Variants in MAPKBP1 observed in about 807,000 individuals in gnomAD.
MAPKBP1 encodes mitogen-activated protein kinase binding protein 1.
A neutral mutation model predicts 170.5 loss-of-function variants in MAPKBP1; 71 were observed. The observed-to-expected ratio is 0.42, with a 90% CI of 0.34 to 0.51. The LOEUF is 0.51. Among genes scored for constraint, MAPKBP1 ranks in the 20% least tolerant of loss-of-function variants. The pLI is 0.06. For missense variants in MAPKBP1, 1,598 were observed against 1,933.0 expected, an observed-to-expected ratio of 0.83 and a Z score of 3.25; for synonymous variants, 719 against 757.9, an observed-to-expected ratio of 0.95 and a Z score of 0.84.
Position 41,823,757 on chromosome 15 carries a change from C to T in MAPKBP1, c.3909C>T (p.Thr1303=), listed in dbSNP as rs918650433. 2.5e-6 allele frequency: 4 copies of T among 1,614,192 alleles called. No homozygotes were observed. Among genetic ancestry groups the T allele is most frequent in the Admixed American group, 3.3e-5 (2 of 60,034 alleles). The change falls in exon 29 of 31, where the codon ACC becomes ACT. Residue 1303 remains threonine, a synonymous_variant. Coordinates refer to ENST00000457542, the MANE Select transcript of MAPKBP1 (RefSeq NM_014994.3). ...CCAAACCACTGCCTGACCGTCCTAC[C>T]CTGGCTGCATTCTCTCCTGTCACCA... ...DIPKPLPDRP[T]LAAFSPVTKG...
intron 2 of MAPKBP1, among the ~76,000 whole-genome samples, chr15:41,790,636 C>G (rs1214359896): frequency 6.6e-6 from 1 of 152,102 alleles, no homozygotes; most frequent in Non-Finnish European, 1.5e-5. Flanking sequence ...AGCAGGATAC[C>G]CTTTTTTTGT....
chr15:41,813,575 C>A (rs769036870), intron 8 of MAPKBP1, 46 bp from the exon 9 acceptor site: 2 of 1,602,706 alleles, frequency 1.2e-6, no homozygotes, highest in Non-Finnish European at 8.5e-7. Flanking sequence ...GGAGAGAAGA[C>A]TGAGTGGGCA....
chr15:41,784,488 A>T (rs528266256), intron 2 of MAPKBP1, among the ~76,000 whole-genome samples: 5 of 152,126 alleles, frequency 3.3e-5, no homozygotes, highest in South Asian at 2.1e-4. Flanking sequence ...AAGCTTTTTT[A>T]AAAAAATTAG....
chr15:41,788,652 T>A (rs2064341873), intron 2 of MAPKBP1, among the ~76,000 whole-genome samples: 1 of 152,214 alleles, frequency 6.6e-6, no homozygotes, highest in South Asian at 2.1e-4. Flanking sequence ...GCCCCAAGGC[T>A]TCTTTCCAGA....
At chr15:41,811,263 T>G in intron 5 of MAPKBP1, 28 bp downstream of exon 5, 1 of 1,613,772 alleles carries the variant, frequency 6.2e-7, no homozygotes, top group Admixed American at 1.7e-5. Context: ...CTGGCAGTAC[T>G]GTAAAGAGGG....
At chr15:41,789,370 G>A (rs914784662) in intron 2 of MAPKBP1, among the ~76,000 whole-genome samples, 1 of 151,986 alleles carries the variant, frequency 6.6e-6, no homozygotes, top group African/African-American at 2.4e-5. Flanking sequence ...TTGCCTTTCT[G>A]ATAACTGTGG....
At chr15:41,774,852 C>G in intron 1 of MAPKBP1, 1 of 413,636 alleles carries the variant, frequency 2.4e-6, no homozygotes, top group Non-Finnish European at 4.3e-6. Context: ...GGCCTCCTCC[C>G]TTGGACACTA....
rs779353817 is a variant in MAPKBP1, at chr15:41,820,829, C to G, written c.2482-3C>G. On this transcript the variant is annotated splice_region_variant and splice_polypyrimidine_tract_variant and intron_variant, in intron 22 of 30. Coordinates refer to ENST00000457542, the MANE Select transcript of MAPKBP1 (RefSeq NM_014994.3). ...TCCTCCCCCACCCCCTACCTCCCAC[C>G]AGGCACAGGAGTCCGTGGGGTTCCT... is the stretch of plus-strand genomic sequence containing the variant. 2.2e-5 allele frequency: 35 copies of G among 1,611,904 alleles called. No individual in the cohort carries two copies. The highest frequency in any genetic ancestry group is 2.9e-5 in the Non-Finnish European group (34 of 1,178,448).
rs539101838 is a variant in MAPKBP1, at chr15:41,791,204, G to A, written c.115-8619G>A. Among the ~76,000 whole-genome samples, 9 of 152,008 alleles carry A rather than the reference G, an allele frequency of 5.9e-5. No individual in the cohort carries two copies. The South Asian group carries it at 1.9e-3, about 32-fold the overall frequency. ...GAGTGGGATTGAGAAGTGGGGGAAG[G>A]GAAAAGGGGGAAGAAAGTAGCTGGT... On this transcript the variant is annotated intron_variant, in intron 2 of 30. Coordinates refer to ENST00000457542, the MANE Select transcript of MAPKBP1 (RefSeq NM_014994.3).
chr15:41,804,923 C>T (rs1292891184), intron 3 of MAPKBP1, among the ~76,000 whole-genome samples: 1 of 152,200 alleles, frequency 6.6e-6, no homozygotes, highest in Non-Finnish European at 1.5e-5. Context: ...TGTTGGGGGC[C>T]ACCAGATTCT....
chr15:41,808,152 G>A (rs2064735720), intron 3 of MAPKBP1, among the ~76,000 whole-genome samples: 1 of 141,316 alleles, frequency 7.1e-6, no homozygotes, highest in South Asian at 2.2e-4. Context: ...TGTCACCCAG[G>A]CTGGAGTGCC....
chr15:41,808,512 G>A (rs973304121), intron 3 of MAPKBP1, among the ~76,000 whole-genome samples: 2 of 149,406 alleles, frequency 1.3e-5, no homozygotes, highest in African/African-American at 4.9e-5. Flanking sequence ...TCTAGTTCTT[G>A]TCGCCCAGGC....
chr15:41,818,922 A>G lies in MAPKBP1; in HGVS notation c.2256A>G (p.Gly752=), dbSNP rs761785939. 2.3e-5 allele frequency: 37 copies of G among 1,614,086 alleles called. No homozygotes were observed. The highest frequency in any genetic ancestry group is 5.9e-6 in the Non-Finnish European group (7 of 1,180,042). The change falls in exon 20 of 31, where the codon GGA becomes GGG. Residue 752 remains glycine, a synonymous_variant. Transcript: ENST00000457542. This position sits in a 1 kb window ranked among gnomAD's most constrained non-coding sequence, Gnocchi z 5.2. ...GTCAGCGGGGCGGCAAGCAGCAAGG[A>G]CCATCCTCTCCCCAAAGGGCTTCTG... The part of the protein sequence containing the change: ...RQRQRGGKQQ[G]PSSPQRASGP...
intron 27 of MAPKBP1, 94 bp downstream of exon 27, chr15:41,822,771 C>A: frequency 4.0e-6 from 6 of 1,508,638 alleles, no homozygotes; most frequent in Non-Finnish European, 5.5e-6. Flanking sequence ...TCTCTCCATG[C>A]GCGGGGTGTT....
intron 13 of MAPKBP1, 109 bp downstream of exon 13, chr15:41,816,759 C>A: frequency 6.9e-7 from 1 of 1,452,732 alleles, no homozygotes; most frequent in Non-Finnish European, 9.6e-7. Flanking sequence ...TCATTGGTGT[C>A]TTTGCTGGTT....
intron 3 of MAPKBP1, among the ~76,000 whole-genome samples, chr15:41,808,634 C>A (rs2064748059): frequency 6.6e-6 from 1 of 151,684 alleles, no homozygotes; most frequent in Non-Finnish European, 1.5e-5. Context: ...CACCACCACA[C>A]CTGGCTTATT....
rs756184203 is a variant in MAPKBP1, at chr15:41,815,630, A to G, written c.1324A>G (p.Ile442Val). The G allele has an allele frequency of 6.2e-7, 1 of 1,613,556 alleles. No individual in the cohort carries two copies. The highest frequency in any genetic ancestry group is 8.5e-7 in the Non-Finnish European group (1 of 1,179,576). Residue 442 changes from isoleucine (I) to valine (V), a missense_variant, in exon 12 of 31, where the codon ATT becomes GTT. Coordinates refer to ENST00000457542, the MANE Select transcript of MAPKBP1 (RefSeq NM_014994.3). Reference protein sequence around the residue: ...LHRNILSSDLIKIIYVDGNTQ... With the variant: ...LHRNILSSDLVKIIYVDGNTQ... ...TTCTAACCTGTTCCACTAGGACCTCATTAAAATCATCTATGTGGATGGGAA... is the reference window on the plus strand; with the variant it reads ...TTCTAACCTGTTCCACTAGGACCTCGTTAAAATCATCTATGTGGATGGGAA...
chr15:41,823,372 C>G (rs973794798), intron 28 of MAPKBP1, 75 bp from the exon 29 acceptor site: 1 of 1,554,430 alleles, frequency 6.4e-7, no homozygotes. Context: ...AACAGCAGCT[C>G]TTCGGGATTG....
rs114954527 is a variant in MAPKBP1 at position 41,823,376 on chromosome 15, G to A, written c.3599-71G>A. ...ATGTGGAGGGGAACAGCAGCTCTTC[G>A]GGATTGGGTGTTGGCACCTGGGATG... On this transcript the variant is annotated intron_variant, in intron 28 of 30. Transcript: ENST00000457542. 1.4e-3 allele frequency: 2,162 copies of A among 1,555,552 alleles called. 32 individuals are homozygous for A. In the African/African-American group the frequency reaches 0.027, roughly 19 times the overall value.
Sources: allele counts gnomAD v4.1 joint callset (sites outside exome capture counted in the v4.1 genomes callset), GRCh38; gene constraint gnomAD v4.1.1; non-coding constraint Gnocchi (gnomAD v3.1); transcripts MANE v1.5; gene names NCBI Gene and HGNC (gene_info 2026-07-23, HGNC 2026-07-21).